The following GRIP1 variants were observed in gnomAD, a reference collection of about 807,000 sequenced individuals.
The protein encoded by GRIP1 is glutamate receptor interacting protein 1.
Under a neutral mutation model 129.9 loss-of-function variants are expected in GRIP1, and 45 were observed. The ratio of observed to expected loss-of-function variants is 0.35; its 90% confidence interval spans 0.27 to 0.44. The LOEUF (loss-of-function observed/expected upper bound fraction) is 0.44, where lower values mean the gene tolerates loss of function less well. GRIP1 is among the 20% of genes least tolerant of loss of function. The pLI, the probability that GRIP1 is intolerant of heterozygous loss-of-function variation, is 1.00. For missense variants in GRIP1, 1,196 were observed against 1,396.8 expected, an observed-to-expected ratio of 0.86 and a Z score of 2.29; for synonymous variants, 530 against 520.8, an observed-to-expected ratio of 1.02 and a Z score of -0.24.
At chr12:66,705,594 C>T (rs1163550045) in intron 1 of GRIP1, among the ~76,000 whole-genome samples, 2 of 152,096 alleles carry the variant, frequency 1.3e-5, no homozygotes, top group East Asian at 3.9e-4. Flanking sequence ...CCCTGTATAG[C>T]CAAGACAATC....
At chr12:66,612,696 C>T (rs759012369) in intron 1 of GRIP1, among the ~76,000 whole-genome samples, 9 of 151,966 alleles carry the variant, frequency 5.9e-5, no homozygotes, top group Non-Finnish European at 1.3e-4. Flanking sequence ...AGAAAAGGTA[C>T]AAATATGACA....
intron 16 of GRIP1, among the ~76,000 whole-genome samples, chr12:66,404,827 T>C (rs1038599994): frequency 1.3e-5 from 2 of 151,910 alleles, no homozygotes; most frequent in African/African-American, 4.8e-5. Flanking sequence ...AGGTCAGGAG[T>C]TTGAGACCAG....
chr12:66,688,835 G>A (rs2034875368), intron 1 of GRIP1, among the ~76,000 whole-genome samples: 1 of 151,072 alleles, frequency 6.6e-6, no homozygotes, highest in Admixed American at 6.6e-5. Context: ...CTCTAATAAT[G>A]TCTAAAGGGG....
At chr12:66,585,073 A>G (rs2063566992) in intron 2 of GRIP1, among the ~76,000 whole-genome samples, 1 of 151,622 alleles carries the variant, frequency 6.6e-6, no homozygotes, top group South Asian at 2.1e-4. Flanking sequence ...TTTATCAATT[A>G]TGATATTCAG....
At chr12:66,928,425 T>C (rs1405076858) in intron 1 of GRIP1, among the ~76,000 whole-genome samples, 3 of 152,216 alleles carry the variant, frequency 2.0e-5, no homozygotes, top group Non-Finnish European at 4.4e-5. Context: ...TCCAGAACAC[T>C]TAGAAGTACT....
At chr12:66,931,973 T>C (rs975550186) in intron 1 of GRIP1, among the ~76,000 whole-genome samples, 2 of 152,186 alleles carry the variant, frequency 1.3e-5, no homozygotes, top group Non-Finnish European at 2.9e-5. Context: ...ATCACAGACA[T>C]TGAAAATTAA....
intron 1 of GRIP1, among the ~76,000 whole-genome samples, chr12:66,699,899 T>TACC (rs2035291240): frequency 6.6e-6 from 1 of 151,822 alleles, no homozygotes; most frequent in South Asian, 2.1e-4. Flanking sequence ...AGTCAAGGAG[T>TACC]ACCAGCTCCC....
chr12:66,690,193 TACAGGCG>T (rs1429401962), intron 1 of GRIP1, among the ~76,000 whole-genome samples: 1 of 152,132 alleles, frequency 6.6e-6, no homozygotes, highest in Non-Finnish European at 1.5e-5. Context: ...GTGCTAGGAT[TACAGGCG>T]TGAACCACCA....
In GRIP1 at chr12:66,431,869, G is replaced by T. The variant is rs115772279; in HGVS notation, c.1768+679C>A. ...ATAAAACTAAAGCCCGAGGAAAGGA[G>T]GGAATTGAGTACATTTATATGCTCC... On this transcript the variant is annotated intron_variant, in intron 14 of 24. Coordinates refer to ENST00000359742, the MANE Select transcript of GRIP1 (RefSeq NM_001366722.1). 4.3e-3 allele frequency among the ~76,000 whole-genome samples: 649 copies of T among 152,250 alleles called. 3 individuals are homozygous for T. The highest frequency in any genetic ancestry group is 0.015 in the African/African-American group (627 of 41,548).
chr12:66,907,361 T>C (rs190243847), intron 1 of GRIP1, among the ~76,000 whole-genome samples: 1 of 152,168 alleles, frequency 6.6e-6, no homozygotes, highest in East Asian at 1.9e-4. Context: ...GCATTGGAAA[T>C]ATAGCATTGA....
rs7303529 is a variant in GRIP1, at chr12:66,874,052, G to C, written c.58+194998C>G. Among the ~76,000 whole-genome samples the C allele has an allele frequency of 3.3e-5, 5 of 152,216 alleles. No homozygotes were observed. The East Asian group carries it at 7.7e-4, about 24-fold the overall frequency. On this transcript the variant is annotated intron_variant, in intron 1 of 1. Coordinates refer to the GRIP1 transcript ENST00000643019. Reference sequence around the variant, plus strand: ...AGGACATCTGTCTTCATCAGCATGTGATCTGGTGGAGATACGTGCTGTTTT... The same window carrying C: ...AGGACATCTGTCTTCATCAGCATGTCATCTGGTGGAGATACGTGCTGTTTT...
chr12:67,028,942 CAAT>C (rs1341199542), intron 1 of GRIP1, among the ~76,000 whole-genome samples: 1 of 151,972 alleles, frequency 6.6e-6, no homozygotes, highest in Admixed American at 6.6e-5. Context: ...GTGAAGTCAA[CAAT>C]GAGATTCATC....
At chr12:66,904,903 A>G (rs1218406700) in intron 1 of GRIP1, among the ~76,000 whole-genome samples, 1 of 151,530 alleles carries the variant, frequency 6.6e-6, no homozygotes, top group Non-Finnish European at 1.5e-5. Flanking sequence ...AAAAAAAAAC[A>G]AAAAAAAGTA....
chr12:66,816,974 A>T lies in GRIP1; in HGVS notation c.59-220047T>A, dbSNP rs889130211. ...GCACTAGATCTTCAAAACAAAATGTAAATAAAGCAGTATTCGCAAAAGACG... is the reference window on the plus strand; with the variant it reads ...GCACTAGATCTTCAAAACAAAATGTTAATAAAGCAGTATTCGCAAAAGACG... On this transcript the variant is annotated intron_variant, in intron 1 of 1. Transcript: ENST00000643019. Among the ~76,000 whole-genome samples the T allele has an allele frequency of 3.3e-5, 5 of 152,164 alleles. 1 individual carries two copies. Among genetic ancestry groups the T allele is most frequent in the African/African-American group, 1.2e-4 (5 of 41,442 alleles).
At chr12:66,834,941 G>C (rs895544700) in intron 1 of GRIP1, among the ~76,000 whole-genome samples, 1 of 148,352 alleles carries the variant, frequency 6.7e-6, no homozygotes, top group Non-Finnish European at 1.5e-5. Flanking sequence ...AAAAAAGGGG[G>C]GGGGGCAGGA....
At chr12:66,928,235 G>A (rs1441254706) in intron 1 of GRIP1, among the ~76,000 whole-genome samples, 2 of 152,182 alleles carry the variant, frequency 1.3e-5, no homozygotes, top group East Asian at 3.8e-4. Context: ...AAAAGAAAAT[G>A]TGCTTTTAAC....
chr12:66,955,196 C>T (rs1389148865), intron 1 of GRIP1, among the ~76,000 whole-genome samples: 1 of 152,102 alleles, frequency 6.6e-6, no homozygotes, highest in Non-Finnish European at 1.5e-5. Flanking sequence ...GCAGTGGAAT[C>T]ACCTTGAGGG....
At chr12:66,361,696 A>G (rs1044246707) in intron 23 of GRIP1, among the ~76,000 whole-genome samples, 2 of 152,170 alleles carry the variant, frequency 1.3e-5, no homozygotes, top group African/African-American at 4.8e-5. Context: ...GTCTTTGCTC[A>G]GGCCTGCCTG....
chr12:66,425,975 TAATAA>T lies in GRIP1; in HGVS notation c.1769-5191_1769-5187del, dbSNP rs547305756. Among the ~76,000 whole-genome samples, 194 of 152,192 alleles carry T rather than the reference TAATAA, an allele frequency of 1.3e-3. 2 individuals carry two copies. The highest frequency in any genetic ancestry group is 4.4e-3 in the African/African-American group (182 of 41,540). ...TACCCTAAAACTTAAAGTATAATAA[TAATAA>T]AATAAAAAAAGAAAAGCCTGATGCT... On this transcript the variant is annotated intron_variant, in intron 14 of 24. Transcript: ENST00000359742.
Sources: gnomAD v4.1 joint callset for allele counts (sites outside exome capture counted in the v4.1 genomes callset) on GRCh38, gnomAD v4.1.1 for gene constraint, MANE v1.5 for transcripts, NCBI Gene and HGNC (gene_info 2026-07-23, HGNC 2026-07-21) for gene names.